GSN: variants seen among roughly 807,000 people sequenced by gnomAD.
GSN encodes gelsolin, also known as actin-depolymerizing factor.
Under a neutral mutation model 85.7 loss-of-function variants are expected in GSN, and 56 were observed. The ratio of observed to expected loss-of-function variants is 0.65; its 90% confidence interval spans 0.53 to 0.82. GSN has a LOEUF of 0.82. GSN is among the 40% of genes least tolerant of loss of function. The pLI is 0.00. For synonymous variants in GSN, 373 were observed against 399.1 expected, an observed-to-expected ratio of 0.93 and a Z score of 0.78; for missense variants, 857 against 979.8, an observed-to-expected ratio of 0.87 and a Z score of 1.67.
chr9:121,245,138 CA>C (rs1303362103), intron 5 of GSN, among the ~76,000 whole-genome samples: 1 of 152,132 alleles, frequency 6.6e-6, no homozygotes, highest in Non-Finnish European at 1.5e-5. Flanking sequence ...GACCTTAAAT[CA>C]CTATCATTCG....
At chr9:121,236,576 C>A (rs2132174728) in intron 5 of GSN, among the ~76,000 whole-genome samples, 1 of 152,242 alleles carries the variant, frequency 6.6e-6, no homozygotes, top group Admixed American at 6.5e-5. Context: ...CTGACTTCCC[C>A]CGTACCCTAC....
At chr9:121,211,902 G>A (rs2053975869) in intron 4 of GSN, among the ~76,000 whole-genome samples, 1 of 152,098 alleles carries the variant, frequency 6.6e-6, no homozygotes, top group African/African-American at 2.4e-5. Context: ...AAAAACAGCT[G>A]GATAAGGGAA....
chr9:121,311,003 C>A, intron 5 of GSN, 158 bp downstream of exon 5: 2 of 695,866 alleles, frequency 2.9e-6, no homozygotes, highest in South Asian at 1.6e-5. Context: ...CAAAGACTCC[C>A]ACAAATGTAG....
At chr9:121,300,959 C>T (rs1357079979) in intron 2 of GSN, among the ~76,000 whole-genome samples, 13 of 152,284 alleles carry the variant, frequency 8.5e-5, no homozygotes, top group Admixed American at 6.5e-5. Context: ...ACAGAGCTAG[C>T]GCCTGCTGTC....
intron 4 of GSN, among the ~76,000 whole-genome samples, chr9:121,230,370 T>G (rs2054363653): frequency 6.6e-6 from 1 of 152,220 alleles, no homozygotes. Context: ...AATCCTATAG[T>G]GCAGAAAGGA....
At chr9:121,298,541 A>G (rs2059432637) in intron 2 of GSN, among the ~76,000 whole-genome samples, 1 of 152,184 alleles carries the variant, frequency 6.6e-6, no homozygotes. Flanking sequence ...GGAGGGGTGG[A>G]GAACTCACAT....
At chr9:121,310,339 T>C in intron 4 of GSN, 1 of 348,630 alleles carries the variant, frequency 2.9e-6, no homozygotes, top group South Asian at 2.5e-5. Context: ...GAAGGAATTG[T>C]TGCAGTTTTT....
intron 2 of GSN, chr9:121,282,575 C>G: frequency 8.6e-7 from 1 of 1,167,752 alleles, no homozygotes; most frequent in African/African-American, 1.6e-5. Context: ...TGGTGGTCCC[C>G]AGGATGTTGT....
At chr9:121,300,875 A>G (rs1319298656) in intron 2 of GSN, among the ~76,000 whole-genome samples, 1 of 152,000 alleles carries the variant, frequency 6.6e-6, no homozygotes, top group Admixed American at 6.5e-5. Flanking sequence ...TACAGAGAGG[A>G]GAGGGGGCTC....
rs190788637 is a variant in GSN at position 121,245,124 on chromosome 9, T to C, written c.-388-3152T>C. 3.3e-5 allele frequency among the ~76,000 whole-genome samples: 5 copies of C among 152,330 alleles called. No individual in the cohort carries two copies. In the East Asian group the frequency reaches 5.8e-4, roughly 18 times the overall value. On this transcript the variant is annotated intron_variant, in intron 5 of 24. Coordinates refer to the GSN transcript ENST00000373823. Reference sequence around the variant, plus strand: ...TGACGTAACCACACAAAGAAGACTTTAGTGACCTTAAATCACTATCATTCG... The same window carrying C: ...TGACGTAACCACACAAAGAAGACTTCAGTGACCTTAAATCACTATCATTCG...
At chr9:121,220,929 T>G (rs1330548966) in intron 4 of GSN, among the ~76,000 whole-genome samples, 1 of 152,240 alleles carries the variant, frequency 6.6e-6, no homozygotes, top group Non-Finnish European at 1.5e-5. Flanking sequence ...AGTGAATAGA[T>G]GTACAGAAAA....
chr9:121,331,195 G>A (rs2063846645), intron 16 of GSN, among the ~76,000 whole-genome samples, 193 bp from the exon 17 acceptor site: 1 of 152,200 alleles, frequency 6.6e-6, no homozygotes, highest in South Asian at 2.1e-4. Flanking sequence ...GGTGGTGGGT[G>A]AGCAAACAAA....
At chr9:121,225,811 C>T (rs2416822) in intron 4 of GSN, among the ~76,000 whole-genome samples, 19,955 of 152,044 alleles carry the variant, frequency 0.13, 1,933 homozygotes, top group African/African-American at 0.25. Context: ...GGTATTTTTT[C>T]TTCTTTTTTT....
At chr9:121,262,434 C>T (rs900009228) in intron 6 of GSN, among the ~76,000 whole-genome samples, 5 of 152,170 alleles carry the variant, frequency 3.3e-5, no homozygotes, top group Admixed American at 6.6e-5. Context: ...ATAAAGTGAC[C>T]GGCATAGAGT....
At chr9:121,246,239 T>C (rs1017585368) in intron 5 of GSN, among the ~76,000 whole-genome samples, 3 of 152,152 alleles carry the variant, frequency 2.0e-5, no homozygotes, top group African/African-American at 7.2e-5. Context: ...ATTTGAGTGG[T>C]TTTAACATTT....
intron 1 of GSN, among the ~76,000 whole-genome samples, chr9:121,276,694 G>C (rs897227359): frequency 2.6e-5 from 4 of 152,116 alleles, no homozygotes; most frequent in African/African-American, 9.7e-5. Context: ...CAAGCCCTCT[G>C]ATTGCTGCTC....
At chr9:121,217,949 A>G (rs1180078382) in intron 4 of GSN, among the ~76,000 whole-genome samples, 3 of 151,964 alleles carry the variant, frequency 2.0e-5, no homozygotes, top group African/African-American at 7.3e-5. Flanking sequence ...ACATAAAGAT[A>G]TAACTTTGGT....
rs573872002 is a variant in GSN, at chr9:121,318,267, G to C, written c.887-139G>C. 7.2e-4 allele frequency: 550 copies of C among 763,184 alleles called. 2 individuals carry two copies. The highest frequency in any genetic ancestry group is 1.1e-3 in the Admixed American group (60 of 52,882). The allele number at this position is 763,184 out of a possible 1,614,324, so 47.3% of individuals were successfully genotyped here. The stretch of plus-strand genomic sequence containing the variant: ...CTCTAGTGAGTGGTCGGCTCTGGGG[G>C]TCTCTGGCCTTGGCTGTCCACAGTC... On this transcript the variant is annotated intron_variant, in intron 8 of 17. Coordinates refer to ENST00000432226, the MANE Select transcript of GSN (RefSeq NM_198252.3). This position sits in a 1 kb window ranked among gnomAD's most constrained non-coding sequence, Gnocchi z 4.3.
intron 4 of GSN, among the ~76,000 whole-genome samples, chr9:121,215,351 T>G (rs1038333710): frequency 1.4e-4 from 21 of 152,034 alleles, no homozygotes; most frequent in African/African-American, 4.6e-4. Context: ...TTTTTCTTTT[T>G]GTGGGGCGAC....
Sources: allele counts gnomAD v4.1 joint callset (sites outside exome capture counted in the v4.1 genomes callset), GRCh38; gene constraint gnomAD v4.1.1; non-coding constraint Gnocchi (gnomAD v3.1); transcripts MANE v1.5; gene names NCBI Gene and HGNC (gene_info 2026-07-23, HGNC 2026-07-21).